TENM3: variants seen among roughly 807,000 people sequenced by gnomAD.
The protein encoded by TENM3 is teneurin-3.
TENM3 carries 63 observed loss-of-function variants against 255.1 expected under a neutral mutation model. The observed-to-expected ratio is 0.25, with a 90% CI of 0.20 to 0.30. The LOEUF is 0.30. Among genes scored for constraint, TENM3 ranks in the 10% least tolerant of loss-of-function variants. TENM3 has a pLI of 1.00. For missense variants in TENM3, 2,929 were observed against 3,461.1 expected, an observed-to-expected ratio of 0.85 and a Z score of 3.86; for synonymous variants, 1,306 against 1,322.3, an observed-to-expected ratio of 0.99 and a Z score of 0.27.
the TENM3 span, among the ~76,000 whole-genome samples, chr4:181,519,365 A>G: frequency 7.9e-5 from 12 of 152,244 alleles, no homozygotes; most frequent in Admixed American, 7.2e-4. Flanking sequence ...CTCTGAAAAT[A>G]TAACTTATTA....
At chr4:181,572,347 T>C in the TENM3 span, among the ~76,000 whole-genome samples, 1 of 152,214 alleles carries the variant, frequency 6.6e-6, no homozygotes, top group Non-Finnish European at 1.5e-5. Flanking sequence ...ACACATTTTC[T>C]TCTTTTGAGA....
At chr4:181,510,462 T>C in the TENM3 span, among the ~76,000 whole-genome samples, 1 of 152,202 alleles carries the variant, frequency 6.6e-6, no homozygotes, top group African/African-American at 2.4e-5. Flanking sequence ...GGGGTAAAAG[T>C]GTTTTGTCAT....
intron 3 of TENM3, among the ~76,000 whole-genome samples, chr4:182,479,050 A>T (rs977871514): frequency 3.3e-5 from 5 of 151,912 alleles, no homozygotes; most frequent in Admixed American, 6.6e-5. Context: ...TTTTTTGAAA[A>T]TTGTAGTTGG....
chr4:182,405,751 G>A (rs917276109), intron 3 of TENM3, among the ~76,000 whole-genome samples: 1 of 152,162 alleles, frequency 6.6e-6, no homozygotes, highest in South Asian at 2.1e-4. Context: ...ATTGAAGAAA[G>A]TGAAATACTG....
chr4:182,747,659 G>T (rs900620019), intron 19 of TENM3, among the ~76,000 whole-genome samples: 1 of 152,138 alleles, frequency 6.6e-6, no homozygotes, highest in African/African-American at 2.4e-5. Context: ...ACTTAAACAT[G>T]TAGAACTAAA....
At chr4:182,602,244 A>G (rs1013529746) in intron 4 of TENM3, among the ~76,000 whole-genome samples, 1 of 152,152 alleles carries the variant, frequency 6.6e-6, no homozygotes, top group African/African-American at 2.4e-5. Context: ...TCTCTGCCCC[A>G]GGGTTTCCGT....
chr4:181,944,857 C>T, the TENM3 span, among the ~76,000 whole-genome samples: 1 of 151,998 alleles, frequency 6.6e-6, no homozygotes, highest in South Asian at 2.1e-4. Context: ...TGTGTACAAA[C>T]GCCAGCCTCC....
intron 13 of TENM3, among the ~76,000 whole-genome samples, chr4:182,725,491 A>C (rs904743760): frequency 2.0e-5 from 3 of 152,178 alleles, no homozygotes; most frequent in African/African-American, 7.2e-5. Context: ...CCAATAGCAT[A>C]GTATAGTCTT....
At chr4:182,093,288 T>G in the TENM3 span, among the ~76,000 whole-genome samples, 1 of 152,156 alleles carries the variant, frequency 6.6e-6, no homozygotes, top group African/African-American at 2.4e-5. Context: ...CATGAATTAT[T>G]GAGACGGGAA....
In TENM3 at chr4:182,672,954, T is replaced by G. The variant is rs772375347; in HGVS notation, c.1112-51T>G. On this transcript the variant is annotated intron_variant, in intron 6 of 27. Coordinates refer to ENST00000511685, the MANE Select transcript of TENM3 (RefSeq NM_001080477.4). ...AAAAAGTTTAAAAACCTTTTTTGTT[T>G]TGTTTTTTTAAAAAAAATTTGTTCT... 290 of 1,339,132 alleles carry G rather than the reference T, an allele frequency of 2.2e-4. 1 individual carries two copies. Among genetic ancestry groups the G allele is most frequent in the Non-Finnish European group, 2.8e-4 (273 of 982,426 alleles). 83.0% of individuals were successfully genotyped at this position (1,339,132 alleles called of 1,614,324 possible).
At chr4:182,736,011 G>T (rs146187215) in intron 16 of TENM3, among the ~76,000 whole-genome samples, 2 of 152,184 alleles carry the variant, frequency 1.3e-5, no homozygotes, top group African/African-American at 4.8e-5. Context: ...AGTGTGAATT[G>T]ATATGTTCTA....
the TENM3 span, among the ~76,000 whole-genome samples, chr4:181,973,359 T>G: frequency 4.1e-4 from 62 of 151,980 alleles, no homozygotes; most frequent in African/African-American, 1.4e-3. Context: ...CTAAGTAAAT[T>G]ATAACAAGTT....
chr4:182,462,358 C>T (rs890716561), intron 3 of TENM3, among the ~76,000 whole-genome samples: 4 of 151,918 alleles, frequency 2.6e-5, no homozygotes, highest in Non-Finnish European at 5.9e-5. Context: ...TGCTCCCGGC[C>T]TAGGATCTTA....
chr4:181,773,844 CT>C, the TENM3 span, among the ~76,000 whole-genome samples: 1 of 152,050 alleles, frequency 6.6e-6, no homozygotes, highest in African/African-American at 2.4e-5. Flanking sequence ...TTTAAGGGGC[CT>C]TTGGCATGTA....
chr4:182,191,797 A>G (rs1753541366), intron 1 of TENM3, among the ~76,000 whole-genome samples: 1 of 152,176 alleles, frequency 6.6e-6, no homozygotes, highest in Admixed American at 6.5e-5. Flanking sequence ...TCAGTGTTGT[A>G]CGTGAAATAA....
At chr4:182,360,720 C>T (rs1219299995) in intron 3 of TENM3, among the ~76,000 whole-genome samples, 2 of 151,988 alleles carry the variant, frequency 1.3e-5, no homozygotes, top group East Asian at 3.9e-4. Flanking sequence ...AGTCCATTTA[C>T]ATTTAAAGTT....
intron 3 of TENM3, among the ~76,000 whole-genome samples, chr4:182,426,534 A>G (rs1771240272): frequency 6.6e-6 from 1 of 152,184 alleles, no homozygotes; most frequent in South Asian, 2.1e-4. Flanking sequence ...TTTCTTTTCA[A>G]ATGACCCCAA....
chr4:181,643,113 G>A, the TENM3 span, among the ~76,000 whole-genome samples: 2 of 152,066 alleles, frequency 1.3e-5, no homozygotes, highest in East Asian at 1.9e-4. Flanking sequence ...CCATTTTCAC[G>A]ATATTGATTT....
chr4:182,026,585 A>G, the TENM3 span, among the ~76,000 whole-genome samples: 1 of 152,166 alleles, frequency 6.6e-6, no homozygotes, highest in South Asian at 2.1e-4. Flanking sequence ...TAGTAGTTTC[A>G]TAGTTTGAGG....
Sources: allele counts gnomAD v4.1 joint callset (sites outside exome capture counted in the v4.1 genomes callset), GRCh38; gene constraint gnomAD v4.1.1; transcripts MANE v1.5; gene names NCBI Gene and HGNC (gene_info 2026-07-23, HGNC 2026-07-21).